CACNA2D1: variants seen among roughly 807,000 people sequenced by gnomAD.
The protein encoded by CACNA2D1 is voltage-dependent calcium channel subunit alpha-2/delta-1.
Under a neutral mutation model 171.5 loss-of-function variants are expected in CACNA2D1, and 53 were observed. The ratio of observed to expected loss-of-function variants is 0.31; its 90% CI spans 0.25 to 0.39. The LOEUF is 0.39. Among genes scored for constraint, CACNA2D1 ranks in the 10% least tolerant of loss-of-function variants. The pLI is 1.00. For missense variants in CACNA2D1, 903 were observed against 1,299.8 expected (o/e 0.69, Z 4.69); for synonymous variants, 442 against 443.1 (o/e 1.00, Z 0.03).
At chr7:82,247,224 C>A (rs1166146310) in intron 3 of CACNA2D1, among the ~76,000 whole-genome samples, 1 of 152,072 alleles carries the variant, frequency 6.6e-6, no homozygotes, top group Non-Finnish European at 1.5e-5. Context: ...AATAGAAAGA[C>A]CCAGGCTAGG....
intron 3 of CACNA2D1, among the ~76,000 whole-genome samples, chr7:82,286,992 C>T (rs948045878): frequency 7.2e-5 from 11 of 152,264 alleles, no homozygotes; most frequent in African/African-American, 2.2e-4. Flanking sequence ...TTAACAAGCA[C>T]GCACAGATTT....
intron 4 of CACNA2D1, 89 bp from the exon 5 acceptor site, chr7:82,136,765 A>G: frequency 1.1e-6 from 1 of 870,958 alleles, no homozygotes; most frequent in Non-Finnish European, 1.8e-6. Context: ...TATAAAATAA[A>G]CTCCTTGTCA....
intron 3 of CACNA2D1, among the ~76,000 whole-genome samples, chr7:82,301,171 G>C (rs1812953878): frequency 6.6e-6 from 1 of 152,110 alleles, no homozygotes; most frequent in African/African-American, 2.4e-5. Context: ...TTGTTGCCCA[G>C]GCTGGAGTGC....
At chr7:82,135,229 T>G (rs939481857) in intron 5 of CACNA2D1, among the ~76,000 whole-genome samples, 2 of 152,112 alleles carry the variant, frequency 1.3e-5, no homozygotes, top group African/African-American at 4.8e-5. Context: ...TTGCAATTTA[T>G]GTACCAGGAA....
chr7:82,012,140 G>A lies in CACNA2D1; in HGVS notation c.1362+14C>T. On this transcript the variant is annotated intron_variant, in intron 15 of 38. Coordinates refer to ENST00000356860, the MANE Select transcript of CACNA2D1 (RefSeq NM_000722.4). ...TGTTATGACAGTCTTTGACTGAATAGCTCAACCTCTTACCAATGCATCCAG... is the reference window on the plus strand; with the variant it reads ...TGTTATGACAGTCTTTGACTGAATAACTCAACCTCTTACCAATGCATCCAG... 2.8e-6 allele frequency: 4 copies of A among 1,451,844 alleles called. No individual in the cohort carries two copies. The highest frequency in any genetic ancestry group is 3.9e-6 in the Non-Finnish European group (4 of 1,032,746). The allele number at this position is 1,451,844 out of a possible 1,614,324, so 89.9% of individuals were successfully genotyped here.
chr7:82,089,786 T>C (rs1182640795), intron 6 of CACNA2D1, among the ~76,000 whole-genome samples: 1 of 152,226 alleles, frequency 6.6e-6, no homozygotes, highest in Non-Finnish European at 1.5e-5. Context: ...GAGCTCTGAA[T>C]CCAGTGTTCT....
At chr7:82,025,213 A>G (rs1026201861) in intron 12 of CACNA2D1, among the ~76,000 whole-genome samples, 1 of 151,676 alleles carries the variant, frequency 6.6e-6, no homozygotes, top group Admixed American at 6.6e-5. Context: ...GGTTGCAGTG[A>G]AACTGTAGAT....
intron 4 of CACNA2D1, among the ~76,000 whole-genome samples, chr7:82,160,274 T>C (rs1276693005): frequency 1.3e-5 from 2 of 151,662 alleles, no homozygotes; most frequent in African/African-American, 4.8e-5. Flanking sequence ...ATACAACAAC[T>C]CAGATTAGAG....
At chr7:81,979,054 G>A (rs1175234252) in intron 24 of CACNA2D1, among the ~76,000 whole-genome samples, 2 of 151,832 alleles carry the variant, frequency 1.3e-5, no homozygotes, top group South Asian at 2.1e-4. Context: ...ATCATGCTAC[G>A]TGACATAAGG....
intron 1 of CACNA2D1, among the ~76,000 whole-genome samples, chr7:82,361,251 T>C (rs1464970422): frequency 2.0e-5 from 3 of 152,212 alleles, no homozygotes; most frequent in Non-Finnish European, 4.4e-5. Flanking sequence ...ACCTGCTCAA[T>C]ATAAATGAAA....
chr7:82,341,560 G>A (rs891834108), intron 2 of CACNA2D1, among the ~76,000 whole-genome samples: 2 of 152,092 alleles, frequency 1.3e-5, no homozygotes, highest in African/African-American at 4.8e-5. Flanking sequence ...AATAAATGAT[G>A]TAATCTACTA....
At position 82,076,898 on chromosome 7, in the gene CACNA2D1, C is replaced by T. The variant is rs114041034; in HGVS notation, c.658+7871G>A. ...TATATTTTTATTTTATGCCATTCTT[C>T]CCTCCAGAAACATTTTGCCTTCTCT... On this transcript the variant is annotated intron_variant, in intron 7 of 38. Coordinates refer to ENST00000356860, the MANE Select transcript of CACNA2D1 (RefSeq NM_000722.4). Among the ~76,000 whole-genome samples, 330 of 152,224 alleles carry T rather than the reference C, an allele frequency of 2.2e-3. 1 individual carries two copies. The highest frequency in any genetic ancestry group is 7.4e-3 in the African/African-American group (306 of 41,560).
chr7:81,960,180 TATTTTACAG>T (rs1191760982), intron 36 of CACNA2D1, among the ~76,000 whole-genome samples: 1 of 152,072 alleles, frequency 6.6e-6, no homozygotes, highest in African/African-American at 2.4e-5. Context: ...AAAGTTGCCT[TATTTTACAG>T]ATAACACAAC....
chr7:82,193,726 G>A (rs1798570782), intron 3 of CACNA2D1, among the ~76,000 whole-genome samples: 1 of 151,936 alleles, frequency 6.6e-6, no homozygotes, highest in African/African-American at 2.4e-5. Context: ...AGTATTTGAA[G>A]AGTAGGCATT....
intron 5 of CACNA2D1, among the ~76,000 whole-genome samples, chr7:82,132,360 T>C (rs966548203): frequency 1.3e-5 from 2 of 152,220 alleles, no homozygotes; most frequent in African/African-American, 4.8e-5. Flanking sequence ...CTTCTCTCTT[T>C]AGTAATGTAA....
chr7:81,971,733 G>A (rs745734361), intron 26 of CACNA2D1, 44 bp downstream of exon 26: 1 of 1,085,150 alleles, frequency 9.2e-7, no homozygotes, highest in Non-Finnish European at 1.4e-6. Context: ...AAACTAAATT[G>A]AAATGCAGAA....
intron 1 of CACNA2D1, among the ~76,000 whole-genome samples, chr7:82,393,087 C>CAGGAAGGA (rs1563483250): frequency 2.8e-5 from 1 of 35,240 alleles, no homozygotes; most frequent in Admixed American, 2.7e-4. Context: ...GGAAGGAAGG[C>CAGGAAGGA]AGGCAGGCAG....
chr7:82,250,127 C>T (rs894361829), intron 3 of CACNA2D1, among the ~76,000 whole-genome samples: 1 of 152,182 alleles, frequency 6.6e-6, no homozygotes, highest in African/African-American at 2.4e-5. Flanking sequence ...ATAACTAACC[C>T]ATTCCTGAGA....
intron 1 of CACNA2D1, among the ~76,000 whole-genome samples, chr7:82,394,944 T>G (rs2129451103): frequency 1.3e-5 from 2 of 152,288 alleles, no homozygotes; most frequent in Admixed American, 1.3e-4. Context: ...CATTATTTTT[T>G]TATACTTCTT....
Sources: gnomAD v4.1 joint callset for allele counts (sites outside exome capture counted in the v4.1 genomes callset) on GRCh38, gnomAD v4.1.1 for gene constraint, MANE v1.5 for transcripts, NCBI Gene and HGNC (gene_info 2026-07-23, HGNC 2026-07-21) for gene names.